The following STK32A variants were observed in gnomAD, a reference collection of about 807,000 sequenced individuals.
STK32A encodes the protein serine/threonine kinase 32A.
In STK32A, 41 loss-of-function variants were observed where a neutral mutation model predicts 53.2. The observed-to-expected ratio is 0.77, with a 90% CI of 0.60 to 1.00. The LOEUF is 1.00. Among genes scored for constraint, STK32A ranks in the 50% least tolerant of loss-of-function variants. The pLI is 0.00. For missense variants in STK32A, 458 were observed against 485.8 expected (o/e 0.94, Z 0.54); for synonymous variants, 166 against 162.8 (o/e 1.02, Z -0.15).
chr5:147,279,005 G>A (rs1751905507), intron 3 of STK32A, among the ~76,000 whole-genome samples: 2 of 152,070 alleles, frequency 1.3e-5, no homozygotes, highest in African/African-American at 4.8e-5. Context: ...TGTCTTAAAA[G>A]CCCAAAAAGC....
At chr5:147,241,507 A>AAACAAAC (rs752550272) in intron 2 of STK32A, among the ~76,000 whole-genome samples, 1 of 129,820 alleles carries the variant, frequency 7.7e-6, no homozygotes, top group Non-Finnish European at 1.7e-5. Context: ...AACAAACAAA[A>AAACAAAC]AAACCCAAAA....
intron 4 of STK32A, among the ~76,000 whole-genome samples, chr5:147,284,524 A>G (rs1752225180): frequency 6.6e-6 from 1 of 152,132 alleles, no homozygotes; most frequent in Admixed American, 6.5e-5. Flanking sequence ...GGACTCTTCC[A>G]GAAAGCTCCT....
chr5:147,358,554 T>C (rs1485070431), intron 7 of STK32A, among the ~76,000 whole-genome samples: 1 of 152,100 alleles, frequency 6.6e-6, no homozygotes, highest in Non-Finnish European at 1.5e-5. Flanking sequence ...ATGGGATAGG[T>C]AGGTAAATTA....
At chr5:147,394,069 G>A in the STK32A span, 1 of 1,614,150 alleles carries the variant, frequency 6.2e-7, no homozygotes, top group Non-Finnish European at 8.5e-7. Context: ...ACGGCCGCCT[G>A]GGGGCGCCAC....
intron 11 of STK32A, among the ~76,000 whole-genome samples, chr5:147,378,648 T>C (rs1301402200): frequency 1.3e-5 from 2 of 151,976 alleles, no homozygotes; most frequent in African/African-American, 4.8e-5. Context: ...AAGAGTCAAG[T>C]GTTGGCAAGG....
Position 147,343,062 on chromosome 5 carries a change from TG to T in STK32A, c.472+20del. On this transcript the variant is annotated intron_variant, in intron 6 of 12. Transcript: ENST00000397936. ...GAACATGGTAAGTGAGTGATTTGTT[TG>T]CAATCAAGTACATGACATGCATGTA... 1 of 1,612,986 alleles carries T rather than the reference TG, an allele frequency of 6.2e-7. No individual in the cohort carries two copies. Among genetic ancestry groups the T allele is most frequent in the South Asian group, 1.1e-5 (1 of 91,074 alleles).
At chr5:147,245,759 G>A (rs979712639) in intron 2 of STK32A, among the ~76,000 whole-genome samples, 2 of 152,202 alleles carry the variant, frequency 1.3e-5, no homozygotes, top group Non-Finnish European at 2.9e-5. Context: ...AATGCCCTGA[G>A]TTTGCAGAGA....
At chr5:147,333,521 G>T (rs1205336251) in intron 5 of STK32A, among the ~76,000 whole-genome samples, 1 of 152,074 alleles carries the variant, frequency 6.6e-6, no homozygotes, top group East Asian at 1.9e-4. Flanking sequence ...TTACCAGTGG[G>T]GCAACTTGGG....
chr5:147,356,426 G>C (rs1235731809), intron 7 of STK32A, among the ~76,000 whole-genome samples: 1 of 152,064 alleles, frequency 6.6e-6, no homozygotes, highest in Non-Finnish European at 1.5e-5. Flanking sequence ...TATTGTTATA[G>C]TATATATTGT....
Position 147,235,063 on chromosome 5 carries a change from G to A in STK32A, c.-233G>A, listed in dbSNP as rs530610123. On this transcript the variant is annotated 5_prime_UTR_variant, in exon 1 of 13. Transcript: ENST00000397936. ...CCCAGCCCAGCCCAGCCCGGCGCTCGCAGCCTCCGCCGCTTCCGGGCAGAT... is the reference window on the plus strand; with the variant it reads ...CCCAGCCCAGCCCAGCCCGGCGCTCACAGCCTCCGCCGCTTCCGGGCAGAT... 4 of 154,872 alleles carry A rather than the reference G, an allele frequency of 2.6e-5. No homozygotes were observed. The highest frequency in any genetic ancestry group is 5.7e-5 in the Non-Finnish European group (4 of 70,368). 9.6% of individuals were successfully genotyped at this position (154,872 alleles called of 1,614,324 possible).
intron 4 of STK32A, among the ~76,000 whole-genome samples, chr5:147,306,799 C>T (rs1202907938): frequency 2.6e-5 from 4 of 151,982 alleles, no homozygotes; most frequent in Admixed American, 2.6e-4. Context: ...AATTTTTCTG[C>T]ATGGAAACCA....
chr5:147,292,951 G>A (rs187934253), intron 4 of STK32A, among the ~76,000 whole-genome samples: 4 of 152,196 alleles, frequency 2.6e-5, no homozygotes, highest in East Asian at 1.9e-4. Context: ...CAATCTTCAC[G>A]AACTGATGAA....
chr5:147,261,227 G>A (rs1004604599), intron 2 of STK32A, among the ~76,000 whole-genome samples: 3 of 152,156 alleles, frequency 2.0e-5, no homozygotes, highest in African/African-American at 7.2e-5. Context: ...GCCACAAAAG[G>A]AATAGCACTC....
At position 147,356,661 on chromosome 5, in the gene STK32A, G is replaced by C. The variant is rs149133627; in HGVS notation, c.563-4856G>C. Among the ~76,000 whole-genome samples, 16 of 152,122 alleles carry C rather than the reference G, an allele frequency of 1.1e-4. 1 individual carries two copies. In the East Asian group the frequency reaches 2.5e-3, roughly 24 times the overall value. On this transcript the variant is annotated intron_variant, in intron 7 of 12. Transcript: ENST00000397936. The stretch of plus-strand genomic sequence containing the variant: ...TGTTTCTCATTTTGAAATACAGATA[G>C]AGCATCCCAAATCCAAAATGCTCCA...
At chr5:147,351,717 T>C (rs1038554050) in intron 7 of STK32A, among the ~76,000 whole-genome samples, 17 of 151,970 alleles carry the variant, frequency 1.1e-4, no homozygotes, top group African/African-American at 3.4e-4. Flanking sequence ...TGTGGTAGCA[T>C]GCGCCTGTAG....
intron 4 of STK32A, among the ~76,000 whole-genome samples, chr5:147,315,215 G>A (rs538684102): frequency 1.1e-4 from 16 of 152,230 alleles, no homozygotes; most frequent in East Asian, 1.9e-4. Context: ...CAACAATTCC[G>A]TTACTCAATA....
intron 7 of STK32A, among the ~76,000 whole-genome samples, chr5:147,360,877 G>A (rs1186658893): frequency 1.3e-5 from 2 of 152,148 alleles, no homozygotes; most frequent in Non-Finnish European, 2.9e-5. Flanking sequence ...CATAACTTGG[G>A]GTCCTCTCTG....
intron 4 of STK32A, among the ~76,000 whole-genome samples, chr5:147,317,269 C>T (rs907379795): frequency 4.6e-5 from 7 of 150,976 alleles, no homozygotes; most frequent in African/African-American, 1.7e-4. Flanking sequence ...TCGGCAAAGT[C>T]CAGACTGTGA....
chr5:147,296,197 A>G (rs549964803), intron 4 of STK32A, among the ~76,000 whole-genome samples: 1 of 152,358 alleles, frequency 6.6e-6, no homozygotes, highest in East Asian at 1.9e-4. Context: ...AAAAAATTCA[A>G]CTGAGGGGCA....
Sources: gnomAD v4.1 joint callset for allele counts (sites outside exome capture counted in the v4.1 genomes callset) on GRCh38, gnomAD v4.1.1 for gene constraint, MANE v1.5 for transcripts, NCBI Gene and HGNC (gene_info 2026-07-23, HGNC 2026-07-21) for gene names.